Variants in IL17RB observed in about 807,000 individuals in gnomAD.
The protein encoded by IL17RB is interleukin 17 receptor B.
IL17RB carries 36 observed loss-of-function variants against 43.9 expected under a neutral mutation model. The observed-to-expected ratio is 0.82, with a 90% CI of 0.63 to 1.08. The LOEUF (loss-of-function observed/expected upper bound fraction) is 1.08. Ranked by LOEUF, IL17RB falls within the 50% of genes least tolerant of loss-of-function variation. IL17RB has a pLI of 0.00. For missense variants in IL17RB, 613 were observed against 613.6 expected (o/e 1.00, Z 0.01); for synonymous variants, 225 against 225.4 (o/e 1.00, Z 0.02).
At chr3:53,864,417 C>T (rs1341366455) in intron 10 of IL17RB, among the ~76,000 whole-genome samples, 1 of 152,110 alleles carries the variant, frequency 6.6e-6, no homozygotes, top group African/African-American at 2.4e-5. Flanking sequence ...CGCCTGTAGT[C>T]CCAGCTACTC....
Position 53,864,969 on chromosome 3 carries a change from C to G in IL17RB, c.1170C>G (p.Asp390Glu), listed in dbSNP as rs753001735. Residue 390 changes from aspartate (D) to glutamate (E), a missense_variant, in exon 11 of 11, where the codon GAC becomes GAG. Asp to Glu is a conservative substitution (Grantham distance 45). Coordinates refer to ENST00000288167, the MANE Select transcript of IL17RB (RefSeq NM_018725.4). ...QWLATQKKAA[D>E]KVVFLLSNDV... ...TTGCCACTCAAAAGAAGGCAGCAGA[C>G]AAAGTCGTCTTCCTTCTTTCCAATG... 3 of 1,614,176 alleles carry G rather than the reference C, an allele frequency of 1.9e-6. No individual in the cohort carries two copies. The highest frequency in any genetic ancestry group is 2.5e-6 in the Non-Finnish European group (3 of 1,180,018).
chr3:53,865,139 A>G lies in IL17RB; in HGVS notation c.1340A>G (p.Tyr447Cys), dbSNP rs1053313560. 1.7e-5 allele frequency: 27 copies of G among 1,614,062 alleles called. No homozygotes were observed. Among genetic ancestry groups the G allele is most frequent in the Non-Finnish European group, 2.2e-5 (26 of 1,180,034 alleles). ...CATCTGCACAAATACGTGGTGGTCT[A>G]CTTTAGAGAGATTGATACAAAAGAC... ...QIHLHKYVVV[Y>C]FREIDTKDDY... Residue 447 changes from tyrosine (Y) to cysteine (C), a missense_variant, in exon 11 of 11, where the codon TAC becomes TGC. Coordinates refer to ENST00000288167, the MANE Select transcript of IL17RB (RefSeq NM_018725.4).
intron 8 of IL17RB, chr3:53,858,035 T>C: frequency 3.6e-6 from 1 of 281,038 alleles, no homozygotes; most frequent in Non-Finnish European, 7.0e-6. Flanking sequence ...TGGGAAGGTT[T>C]GAGTTCCAGG....
chr3:53,859,850 T>C, intron 9 of IL17RB: 1 of 292,650 alleles, frequency 3.4e-6, no homozygotes, highest in Non-Finnish European at 6.5e-6. Context: ...TAAAGGGATC[T>C]AAATCTCTAC....
intron 2 of IL17RB, 31 bp downstream of exon 2, chr3:53,848,719 C>G: frequency 1.2e-6 from 2 of 1,612,024 alleles, no homozygotes; most frequent in Non-Finnish European, 1.7e-6. Context: ...GTATTTGGGG[C>G]TTTACATTGA....
In IL17RB at chr3:53,865,578, A is replaced by G. The variant is rs1167714605; in HGVS notation, c.*270A>G. The G allele has an allele frequency of 1.3e-5, 5 of 395,734 alleles. No individual in the cohort carries two copies. Among genetic ancestry groups the G allele is most frequent in the African/African-American group, 8.1e-5 (4 of 49,362 alleles). The allele number at this position is 395,734 out of a possible 1,614,324, so 24.5% of individuals were successfully genotyped here. On this transcript the variant is annotated 3_prime_UTR_variant, in exon 11 of 11. Transcript: ENST00000288167. ...ATAACCATTTTGATAATGCAACAAT[A>G]AAGCATCTTCAGCCAAACATCTAGT...
intron 3 of IL17RB, among the ~76,000 whole-genome samples, chr3:53,851,734 A>G (rs767240092): frequency 6.6e-6 from 1 of 152,168 alleles, no homozygotes; most frequent in East Asian, 1.9e-4. Flanking sequence ...AAGCTGACCT[A>G]TGAGGAGGAG....
At chr3:53,849,562 G>A in intron 2 of IL17RB, 93 bp from the exon 3 acceptor site, 2 of 1,137,026 alleles carry the variant, frequency 1.8e-6, no homozygotes, top group Admixed American at 5.7e-5. Flanking sequence ...ATTGTGAATG[G>A]GGGAAGGTTT....
chr3:53,858,695 T>C (rs756684301), intron 8 of IL17RB, 24 bp from the exon 9 acceptor site: 11 of 1,612,838 alleles, frequency 6.8e-6, no homozygotes, highest in Non-Finnish European at 9.3e-6. Flanking sequence ...GTGTGAACTT[T>C]CTGAGCCTCT....
At chr3:53,853,667 C>T (rs1699235581) in intron 5 of IL17RB, among the ~76,000 whole-genome samples, 2 of 151,954 alleles carry the variant, frequency 1.3e-5, no homozygotes, top group South Asian at 4.2e-4. Context: ...AAGGGTCTAT[C>T]TGAGCCGAGT....
intron 8 of IL17RB, chr3:53,858,093 G>A (rs1446314583): frequency 9.8e-6 from 2 of 205,020 alleles, no homozygotes; most frequent in Non-Finnish European, 2.0e-5. Context: ...CTGGGCCGCA[G>A]CGGACCCAGC....
In IL17RB at chr3:53,857,573, G is replaced by A. The variant is rs772650438; in HGVS notation, c.673-43G>A. The A allele has an allele frequency of 3.2e-6, 5 of 1,580,316 alleles. No individual in the cohort carries two copies. In the East Asian group the frequency reaches 1.1e-4, roughly 35 times the overall value. ...GTGTTGGGATTACAGGGGTGAGCCAGTGCACCTGGCACCTCATAATTCTTG... is the reference window on the plus strand; with the variant it reads ...GTGTTGGGATTACAGGGGTGAGCCAATGCACCTGGCACCTCATAATTCTTG... On this transcript the variant is annotated intron_variant, in intron 7 of 10. Coordinates refer to ENST00000288167, the MANE Select transcript of IL17RB (RefSeq NM_018725.4).
Position 53,864,960 on chromosome 3 carries a change from G to T in IL17RB, c.1161G>T (p.Lys387Asn). Residue 387 changes from lysine (K) to asparagine (N), a missense_variant, in exon 11 of 11, where the codon AAG becomes AAT. Lys to Asn is a moderately conservative substitution (Grantham distance 94). Transcript: ENST00000288167. ...GPVQWLATQK[K>N]AADKVVFLLS... ...TGCAGTGGCTTGCCACTCAAAAGAAGGCAGCAGACAAAGTCGTCTTCCTTC... is the reference window on the plus strand; with the variant it reads ...TGCAGTGGCTTGCCACTCAAAAGAATGCAGCAGACAAAGTCGTCTTCCTTC... 6.2e-7 allele frequency: 1 copy of T among 1,614,156 alleles called. No homozygotes were observed. Among genetic ancestry groups the T allele is most frequent in the South Asian group, 1.1e-5 (1 of 91,078 alleles).
rs1699165970 is a variant in IL17RB at position 53,851,980 on chromosome 3, C to A, written c.227-19C>A. On this transcript the variant is annotated intron_variant, in intron 3 of 10. Coordinates refer to ENST00000288167, the MANE Select transcript of IL17RB (RefSeq NM_018725.4). ...AGCAAGTGCTAAATAAACCAATGTC[C>A]TCTTGCCTATCTCGGCAGCCAGCAT... 1 of 1,613,862 alleles carries A rather than the reference C, an allele frequency of 6.2e-7. No homozygotes were observed. The highest frequency in any genetic ancestry group is 8.5e-7 in the Non-Finnish European group (1 of 1,179,946).
chr3:53,864,318 C>T (rs938235061), intron 10 of IL17RB, among the ~76,000 whole-genome samples: 79 of 152,272 alleles, frequency 5.2e-4, no homozygotes, highest in African/African-American at 1.7e-3. Context: ...GGGCGGAACA[C>T]GAGGTCAGGA....
intron 8 of IL17RB, 151 bp downstream of exon 8, chr3:53,857,841 C>A: frequency 2.8e-6 from 2 of 709,432 alleles, no homozygotes; most frequent in Non-Finnish European, 2.5e-6. Flanking sequence ...TTCGCTGCAG[C>A]CTCCACCGTG....
intron 2 of IL17RB, 137 bp from the exon 3 acceptor site, chr3:53,849,518 A>G: frequency 2.2e-6 from 1 of 448,806 alleles, no homozygotes; most frequent in Non-Finnish European, 3.1e-6. Context: ...TCTACAAAAA[A>G]CATTTTTTTA....
intron 4 of IL17RB, 147 bp from the exon 5 acceptor site, chr3:53,852,724 G>A: frequency 1.6e-6 from 1 of 641,600 alleles, no homozygotes; most frequent in Non-Finnish European, 2.7e-6. Context: ...ATTGTTTAGT[G>A]CCCATTCCCT....
At position 53,860,227 on chromosome 3, in the gene IL17RB, C is replaced by T. The variant is rs201029803; in HGVS notation, c.945C>T (p.His315=). ...LVAGIYLMWR[H]ERIKKTSFST... ...CAGGGATCTATCTAATGTGGAGGCA[C>T]GGTAAGGGTTATAATTCTTTAAAGA... The change falls in exon 10 of 11, where the codon CAC becomes CAT. Residue 315 remains histidine (H), a splice_region_variant and synonymous_variant. Transcript: ENST00000288167. 21 of 1,607,492 alleles carry T rather than the reference C, an allele frequency of 1.3e-5. No homozygotes were observed. The highest frequency in any genetic ancestry group is 4.5e-5 in the East Asian group (2 of 44,844).
Sources: gnomAD v4.1 joint callset for allele counts (sites outside exome capture counted in the v4.1 genomes callset) on GRCh38, gnomAD v4.1.1 for gene constraint, MANE v1.5 for transcripts, NCBI Gene and HGNC (gene_info 2026-07-23, HGNC 2026-07-21) for gene names.